ARIH1: variants seen among roughly 807,000 people sequenced by gnomAD.
ARIH1 encodes ariadne RBR E3 ubiquitin protein ligase 1, also known as E3 ubiquitin-protein ligase ARIH1.
ARIH1 carries 8 observed loss-of-function variants against 85.0 expected under a neutral mutation model. That is an observed-to-expected ratio of 0.09 (90% CI 0.06 to 0.17). ARIH1 has a LOEUF of 0.17. Among genes scored for constraint, ARIH1 ranks in the 10% least tolerant of loss-of-function variants. The pLI is 1.00. For missense variants in ARIH1, 311 were observed against 718.1 expected (o/e 0.43, Z 6.48); for synonymous variants, 238 against 253.6 (o/e 0.94, Z 0.59).
At chr15:72,503,482 T>C (rs1287662223) in intron 1 of ARIH1, among the ~76,000 whole-genome samples, 12 of 152,216 alleles carry the variant, frequency 7.9e-5, no homozygotes, top group Admixed American at 7.9e-4. Flanking sequence ...TAGCTTCTTA[T>C]GATTTCAGTT....
chr15:72,480,287 T>C (rs1238636255), intron 1 of ARIH1, among the ~76,000 whole-genome samples: 6 of 150,100 alleles, frequency 4.0e-5, no homozygotes, highest in African/African-American at 7.4e-5. Flanking sequence ...TTTTTATACA[T>C]GTCTCACTGT....
chr15:72,579,223 G>C (rs567965268), intron 11 of ARIH1, among the ~76,000 whole-genome samples: 303 of 151,998 alleles, frequency 2.0e-3, no homozygotes, highest in Admixed American at 5.8e-3. Context: ...CTTTGTTGAA[G>C]AAACTAGATC....
At chr15:72,532,396 G>C (rs2064061645) in intron 2 of ARIH1, among the ~76,000 whole-genome samples, 1 of 151,944 alleles carries the variant, frequency 6.6e-6, no homozygotes, top group Non-Finnish European at 1.5e-5. Context: ...TAGTAAACCT[G>C]TATCCTTATT....
chr15:72,594,982 C>T lies in ARIH1; in HGVS notation c.*11690C>T, dbSNP rs1250689758. The stretch of plus-strand genomic sequence containing the variant: ...ATGTTAACTGTAAGTTTTTCACAGA[C>T]CAGCCCAAAGAAGTTCCTTTCTATT... On this transcript the variant is annotated 3_prime_UTR_variant, in exon 14 of 14. Transcript: ENST00000379887. 6.6e-6 allele frequency: 1 copy of T among 151,922 alleles called. No homozygotes were observed. Among genetic ancestry groups the T allele is most frequent in the African/African-American group, 2.4e-5 (1 of 41,354 alleles). The allele number at this position is 151,922 out of a possible 1,614,324, so 9.4% of individuals were successfully genotyped here. A position where few individuals can be genotyped will look rare whatever the true frequency, so the allele number is the denominator to read the frequency against.
At chr15:72,485,978 C>T (rs1419519899) in intron 1 of ARIH1, among the ~76,000 whole-genome samples, 1 of 151,954 alleles carries the variant, frequency 6.6e-6, no homozygotes, top group African/African-American at 2.4e-5. Context: ...TAGTGGTGGT[C>T]CTTGCATTAT....
chr15:72,531,843 C>G (rs757406818), intron 2 of ARIH1, among the ~76,000 whole-genome samples: 1 of 152,184 alleles, frequency 6.6e-6, no homozygotes, highest in East Asian at 1.9e-4. Flanking sequence ...TATGTTGTAC[C>G]TAGCTTTTGT....
In ARIH1 at chr15:72,566,674, A is replaced by C. The variant is rs1256521576; in HGVS notation, c.954+69A>C. ...CTAAGACTTAGTGACTAAAAATCAT[A>C]GCTGATGATTTTGTTATCTATCTAT... On this transcript the variant is annotated intron_variant, in intron 8 of 13. Transcript: ENST00000379887. The C allele has an allele frequency of 1.6e-5, 21 of 1,339,036 alleles. No individual in the cohort carries two copies. The Admixed American group carries it at 4.2e-4, about 27-fold the overall frequency. The allele number at this position is 1,339,036 out of a possible 1,614,324, so 82.9% of individuals were successfully genotyped here.
intron 2 of ARIH1, among the ~76,000 whole-genome samples, chr15:72,519,153 T>TA (rs947017921): frequency 6.6e-6 from 1 of 152,122 alleles, no homozygotes; most frequent in African/African-American, 2.4e-5. Context: ...CTAAATTTAA[T>TA]AAAAAATTAA....
rs1028178871 is a variant in ARIH1, at chr15:72,594,755, C to G, written c.*11463C>G. On this transcript the variant is annotated 3_prime_UTR_variant, in exon 14 of 14. Transcript: ENST00000379887. ...AGTTTTATATTAAATAGATACACAACAGTGTAGTCTGCAAATAATGTTTTT... is the reference window on the plus strand; with the variant it reads ...AGTTTTATATTAAATAGATACACAAGAGTGTAGTCTGCAAATAATGTTTTT... 1 of 148,534 alleles carries G rather than the reference C, an allele frequency of 6.7e-6. No homozygotes were observed. The highest frequency in any genetic ancestry group is 2.1e-4 in the South Asian group (1 of 4,724). 9.2% of individuals were successfully genotyped at this position (148,534 alleles called of 1,614,324 possible).
At chr15:72,549,246 CCTGT>C (rs765538172) in intron 3 of ARIH1, among the ~76,000 whole-genome samples, 1 of 151,946 alleles carries the variant, frequency 6.6e-6, no homozygotes, top group African/African-American at 2.4e-5. Flanking sequence ...CACCACCACA[CCTGT>C]CTAATTTTTG....
chr15:72,505,060 T>C (rs1199845704), intron 1 of ARIH1, among the ~76,000 whole-genome samples: 1 of 152,202 alleles, frequency 6.6e-6, no homozygotes, highest in Admixed American at 6.5e-5. Flanking sequence ...TTTAACCAGC[T>C]CTCAAGAGCA....
intron 7 of ARIH1, among the ~76,000 whole-genome samples, chr15:72,564,605 C>T (rs2064211295): frequency 6.6e-6 from 1 of 152,194 alleles, no homozygotes; most frequent in African/African-American, 2.4e-5. Flanking sequence ...TTTGTTAGAA[C>T]AGCACCCTCA....
At chr15:72,550,330 G>C (rs2064148126) in intron 3 of ARIH1, among the ~76,000 whole-genome samples, 1 of 152,134 alleles carries the variant, frequency 6.6e-6, no homozygotes, top group Non-Finnish European at 1.5e-5. Context: ...AAAAGGTTGA[G>C]ACTTAAAGTG....
chr15:72,570,855 A>T (rs551591159), intron 10 of ARIH1, among the ~76,000 whole-genome samples: 5 of 152,284 alleles, frequency 3.3e-5, no homozygotes, highest in Non-Finnish European at 7.3e-5. Flanking sequence ...TGGGCCAGGC[A>T]CGGTGGCTCA....
chr15:72,519,085 A>G (rs943771211), intron 2 of ARIH1, among the ~76,000 whole-genome samples: 1 of 152,096 alleles, frequency 6.6e-6, no homozygotes, highest in African/African-American at 2.4e-5. Context: ...TTTGAATGGA[A>G]ATTTGGGACA....
At position 72,474,663 on chromosome 15, in the gene ARIH1, C is replaced by G; in HGVS notation, c.24C>G (p.Asn8Lys). The G allele has an allele frequency of 6.4e-7, 1 of 1,555,658 alleles. No individual in the cohort carries two copies. The change falls in exon 1 of 14, where the codon AAC (asparagine) becomes AAG (lysine). Residue 8 changes from asparagine to lysine, a missense_variant. Coordinates refer to ENST00000379887, the MANE Select transcript of ARIH1 (RefSeq NM_005744.5). ...CCATGGACTCGGACGAGGGCTACAA[C>G]TACGAGTTCGACGAGGACGAGGAGT... MDSDEGY[N>K]YEFDEDEECS...
rs2064327776 is a variant in ARIH1 at position 72,588,567 on chromosome 15, G to T, written c.*5275G>T. 1 of 152,144 alleles carries T rather than the reference G, an allele frequency of 6.6e-6. No individual in the cohort carries two copies. The highest frequency in any genetic ancestry group is 6.6e-5 in the Admixed American group (1 of 15,262). 9.4% of individuals were successfully genotyped at this position (152,144 alleles called of 1,614,324 possible). A position where few individuals can be genotyped will look rare whatever the true frequency, so the allele number is the denominator to read the frequency against. ...ACTGCCTTCTATAGTTGCAAAAAGA[G>T]AATATAGGCGAGCAACTCCAGATCA... On this transcript the variant is annotated 3_prime_UTR_variant, in exon 14 of 14. Coordinates refer to ENST00000379887, the MANE Select transcript of ARIH1 (RefSeq NM_005744.5).
intron 1 of ARIH1, among the ~76,000 whole-genome samples, chr15:72,478,679 C>T (rs540220161): frequency 1.3e-5 from 2 of 152,252 alleles, no homozygotes; most frequent in South Asian, 4.1e-4. Context: ...TTAATGAAGT[C>T]TGAGGTGAAA....
intron 10 of ARIH1, 27 bp downstream of exon 10, chr15:72,570,334 T>G: frequency 6.2e-7 from 1 of 1,613,078 alleles, no homozygotes; most frequent in Non-Finnish European, 8.5e-7. Flanking sequence ...AAGGGAAGAA[T>G]GTGTTTACAT....
Sources: allele counts gnomAD v4.1 joint callset (sites outside exome capture counted in the v4.1 genomes callset), GRCh38; gene constraint gnomAD v4.1.1; transcripts MANE v1.5; gene names NCBI Gene and HGNC (gene_info 2026-07-23, HGNC 2026-07-21).